Variants in ELK1 observed in about 807,000 individuals in gnomAD.
ELK1 encodes ETS transcription factor ELK1.
For missense variants in ELK1, 254 were observed against 381.5 expected, an observed-to-expected ratio of 0.67 and a Z score of 2.78; for synonymous variants, 163 against 176.3, an observed-to-expected ratio of 0.92 and a Z score of 0.60.
intron 4 of ELK1, 101 bp downstream of exon 4, chrX:47,638,794 A>C (rs2147941880): frequency 1.0e-6 from 1 of 956,733 alleles, no homozygotes; most frequent in East Asian, 3.4e-5. Context: ...CTTTAACGGG[A>C]CAGCTATGTC....
Position 47,636,436 on chromosome X carries a change from G to A in ELK1, c.*393C>T, listed in dbSNP as rs2058008111. The A allele has an allele frequency of 7.3e-6, 1 of 136,276 alleles. No individual in the cohort carries two copies. The highest frequency in any genetic ancestry group is 8.4e-5 in the Admixed American group (1 of 11,906). The allele number at this position is 136,276 out of a possible 1,213,427, so 11.2% of individuals were successfully genotyped here. A position where few individuals can be genotyped will look rare whatever the true frequency, so the allele number is the denominator to read the frequency against. On this transcript the variant is annotated 3_prime_UTR_variant, in exon 7 of 7. Transcript: ENST00000376983. ...GCAGGCTGAGAAATAAAGAAAGAAA[G>A]GTCGTTCTCAAGCCAGACCTCGATT...
chrX:47,649,643 G>A (rs2058053405), intron 2 of ELK1, among the ~76,000 whole-genome samples: 1 of 110,707 alleles, frequency 9.0e-6, no homozygotes, highest in Non-Finnish European at 1.9e-5. Context: ...AGAGGGAAAA[G>A]GCTATGGACT....
intron 3 of ELK1, 25 bp from the exon 4 acceptor site, chrX:47,639,363 G>A: frequency 8.6e-7 from 1 of 1,168,409 alleles, no homozygotes; most frequent in Non-Finnish European, 1.2e-6. Context: ...GAGGAACAGA[G>A]GGCCTTAGAG....
intron 2 of ELK1, among the ~76,000 whole-genome samples, chrX:47,643,012 T>C (rs2058033365): frequency 8.9e-6 from 1 of 112,867 alleles, no homozygotes; most frequent in Non-Finnish European, 1.9e-5. Context: ...GCTGGACAAC[T>C]GCCCAGGCAC....
In ELK1 at chrX:47,636,820, T is replaced by C; in HGVS notation, c.*9A>G. On this transcript the variant is annotated 3_prime_UTR_variant, in exon 7 of 7. Coordinates refer to ENST00000376983, the MANE Select transcript of ELK1 (RefSeq NM_001114123.3). ...ACCCCAGAAGGGGTGGTGGTGGTGG[T>C]GGTAGTAGTCATGGCTTCTGGGGCC... 1 of 1,134,255 alleles carries C rather than the reference T, an allele frequency of 8.8e-7. No homozygotes were observed. The highest frequency in any genetic ancestry group is 1.2e-6 in the Non-Finnish European group (1 of 852,752). 93.5% of individuals were successfully genotyped at this position (1,134,255 alleles called of 1,213,427 possible).
At chrX:47,649,741 G>A (rs2058053776) in intron 2 of ELK1, among the ~76,000 whole-genome samples, 180 bp downstream of exon 2, 1 of 98,180 alleles carries the variant, frequency 1.0e-5, no homozygotes, top group Admixed American at 1.3e-4. Flanking sequence ...GACAGTCTAC[G>A]AAAAAGAGGA....
At chrX:47,643,698 C>T (rs752671980) in intron 2 of ELK1, among the ~76,000 whole-genome samples, 36 of 105,830 alleles carry the variant, frequency 3.4e-4, no homozygotes, top group Non-Finnish European at 6.8e-4. Context: ...GCATGTACAC[C>T]TGTACTGTTA....
chrX:47,638,823 C>T (rs1468880982), intron 4 of ELK1, 72 bp downstream of exon 4: 12 of 1,101,312 alleles, frequency 1.1e-5, no homozygotes, highest in African/African-American at 1.8e-5. Flanking sequence ...CAGCCTCCCT[C>T]GTCATCCGGG....
Position 47,636,138 on chromosome X carries a change from C to A in ELK1, c.*691G>T, listed in dbSNP as rs1488639517. 1.8e-5 allele frequency: 2 copies of A among 111,850 alleles called. No individual in the cohort carries two copies. The highest frequency in any genetic ancestry group is 3.8e-5 in the Non-Finnish European group (2 of 53,042). 9.2% of individuals were successfully genotyped at this position (111,850 alleles called of 1,213,427 possible). A position where few individuals can be genotyped will look rare whatever the true frequency, so the allele number is the denominator to read the frequency against. Reference sequence around the variant, plus strand: ...GCAGGACCCCAGGGAGGTTGGCAGACAAAGGAATGGCTTCTCAGGGGGAAG... The same window carrying A: ...GCAGGACCCCAGGGAGGTTGGCAGAAAAAGGAATGGCTTCTCAGGGGGAAG... On this transcript the variant is annotated 3_prime_UTR_variant, in exon 7 of 7. Coordinates refer to ENST00000376983, the MANE Select transcript of ELK1 (RefSeq NM_001114123.3).
chrX:47,642,597 T>C (rs1358677882), intron 2 of ELK1, among the ~76,000 whole-genome samples: 1 of 107,972 alleles, frequency 9.3e-6, no homozygotes, highest in Non-Finnish European at 1.9e-5. Context: ...TCTTTTTTTT[T>C]TTTTCTTTTT....
intron 3 of ELK1, among the ~76,000 whole-genome samples, chrX:47,640,845 A>G (rs1384518657): frequency 8.9e-6 from 1 of 112,150 alleles, no homozygotes; most frequent in Non-Finnish European, 1.9e-5. Flanking sequence ...ATAACTAGGG[A>G]AGCCCAGCAC....
At position 47,637,124 on chromosome X, in the gene ELK1, G is replaced by C. The variant is rs1569338348; in HGVS notation, c.1087-10C>G. 8.3e-7 allele frequency: 1 copy of C among 1,200,178 alleles called. No individual in the cohort carries two copies. The highest frequency in any genetic ancestry group is 3.0e-5 in the East Asian group (1 of 33,500). On this transcript the variant is annotated splice_polypyrimidine_tract_variant and intron_variant, in intron 5 of 6. Coordinates refer to ENST00000376983, the MANE Select transcript of ELK1 (RefSeq NM_001114123.3). ...TCAGCAGCACCGGGGTCTGTGGGGA[G>C]AGGGTGGTCGGAGCTCAAGTGAGTA...
At chrX:47,638,632 C>T (rs1236493239) in intron 4 of ELK1, among the ~76,000 whole-genome samples, 3 of 111,920 alleles carry the variant, frequency 2.7e-5, no homozygotes, top group Non-Finnish European at 5.6e-5. Flanking sequence ...CACTAGAGTG[C>T]GAGAACCAGT....
In ELK1 at chrX:47,650,552, G is replaced by GGTGGT. The variant is rs1556865087; in HGVS notation, c.-271_-270insACCAC. ...TGGAGGTGGTGGTGGCGGTGGCGGC[G>GGTGGT]GCAGCACCTAGAAGCCGCCCCTGCG... On this transcript the variant is annotated 5_prime_UTR_variant, in exon 1 of 7. Transcript: ENST00000376983. The GGTGGT allele has an allele frequency of 3.1e-6, 1 of 319,756 alleles. No individual in the cohort carries two copies. Among genetic ancestry groups the GGTGGT allele is most frequent in the Admixed American group, 3.5e-5 (1 of 28,221 alleles). The allele number at this position is 319,756 out of a possible 1,213,427, so 26.4% of individuals were successfully genotyped here. A position where few individuals can be genotyped will look rare whatever the true frequency, so the allele number is the denominator to read the frequency against.
At chrX:47,647,049 C>T (rs1281177731) in intron 2 of ELK1, among the ~76,000 whole-genome samples, 1 of 111,851 alleles carries the variant, frequency 8.9e-6, no homozygotes, top group African/African-American at 3.3e-5. Context: ...TTTCAACCAC[C>T]CCCAATACTC....
intron 2 of ELK1, 88 bp downstream of exon 2, chrX:47,649,833 T>TGGGGG (rs375216686): frequency 4.2e-5 from 1 of 24,034 alleles, no homozygotes; most frequent in African/African-American, 1.6e-4. Flanking sequence ...GTGGTGGTGG[T>TGGGGG]GGGGGGGGGG....
rs1250508908 is a variant in ELK1 at position 47,639,219 on chromosome X, G to A, written c.330C>T (p.Thr110=). 2 of 1,210,296 alleles carry A rather than the reference G, an allele frequency of 1.7e-6. No homozygotes were observed. The highest frequency in any genetic ancestry group is 2.2e-6 in the Non-Finnish European group (2 of 894,692). Residue 110 remains threonine, a synonymous_variant, in exon 4 of 7, where the codon ACC becomes ACT. Transcript: ENST00000376983. ...PPQPEVSVTS[T]MPNVAPAAIH... Reference sequence around the variant, plus strand: ...TAGCAGCAGGGGCCACATTTGGCATGGTGGAGGTAACAGACACCTCTGGCT... The same window carrying A: ...TAGCAGCAGGGGCCACATTTGGCATAGTGGAGGTAACAGACACCTCTGGCT...
chrX:47,644,288 C>A (rs2058036809), intron 2 of ELK1, among the ~76,000 whole-genome samples: 1 of 111,469 alleles, frequency 9.0e-6, no homozygotes, highest in Admixed American at 9.6e-5. Context: ...CCACTTGACC[C>A]CTCATAAGAG....
Position 47,649,606 on chromosome X carries a change from G to A in ELK1, c.-35+315C>T, listed in dbSNP as rs183837656. Reference sequence around the variant, plus strand: ...TGCACCACAGTGAGAGGAGAGAAAAGCCATCACACAGACTGATTCAAAGCA... The same window carrying A: ...TGCACCACAGTGAGAGGAGAGAAAAACCATCACACAGACTGATTCAAAGCA... On this transcript the variant is annotated intron_variant, in intron 2 of 6. Transcript: ENST00000376983. 5.7e-4 allele frequency among the ~76,000 whole-genome samples: 63 copies of A among 110,556 alleles called. No individual in the cohort carries two copies. In the East Asian group the frequency reaches 0.018, roughly 31 times the overall value.
Sources: gnomAD v4.1 joint callset for allele counts (sites outside exome capture counted in the v4.1 genomes callset) on GRCh38, gnomAD v4.1.1 for gene constraint, MANE v1.5 for transcripts, NCBI Gene and HGNC (gene_info 2026-07-23, HGNC 2026-07-21) for gene names.